Variants in FCGRT observed in about 807,000 individuals in gnomAD.
The protein encoded by FCGRT is Fc gamma receptor and transporter, also known as IgG receptor FcRn large subunit p51.
A neutral mutation model predicts 35.7 loss-of-function variants in FCGRT; 13 were observed. That is an observed-to-expected ratio of 0.36 (90% CI 0.24 to 0.58). The LOEUF (loss-of-function observed/expected upper bound fraction) is 0.58. Among genes scored for constraint, FCGRT ranks in the 20% least tolerant of loss-of-function variants. The probability of loss-of-function intolerance (pLI) is 0.77; values close to 1 mark genes in which losing one functional copy is unlikely to be tolerated. For synonymous variants in FCGRT, 233 were observed against 216.5 expected (o/e 1.08, Z -0.67); for missense variants, 455 against 474.9 (o/e 0.96, Z 0.39).
intron 6 of FCGRT, 42 bp from the exon 7 acceptor site, chr19:49,525,968 C>T: frequency 8.0e-7 from 1 of 1,257,724 alleles, no homozygotes; most frequent in Non-Finnish European, 1.2e-6. Flanking sequence ...CCCAGAGCGC[C>T]TCAGAGATTC....
intron 4 of FCGRT, among the ~76,000 whole-genome samples, chr19:49,522,884 T>G (rs2122692991): frequency 6.7e-6 from 1 of 149,828 alleles, no homozygotes; most frequent in East Asian, 2.0e-4. Flanking sequence ...TTCACGCCAT[T>G]CTCCTGCCTC....
Position 49,526,239 on chromosome 19 carries a change from C to T in FCGRT, c.*120C>T, listed in dbSNP as rs986747968. 1 of 681,212 alleles carries T rather than the reference C, an allele frequency of 1.5e-6. No individual in the cohort carries two copies. Among genetic ancestry groups the T allele is most frequent in the Non-Finnish European group, 2.6e-6 (1 of 384,000 alleles). The allele number at this position is 681,212 out of a possible 1,614,324, so 42.2% of individuals were successfully genotyped here. A position where few individuals can be genotyped will look rare whatever the true frequency, so the allele number is the denominator to read the frequency against. On this transcript the variant is annotated 3_prime_UTR_variant, in exon 7 of 7. Coordinates refer to ENST00000221466, the MANE Select transcript of FCGRT (RefSeq NM_001136019.3). Reference sequence around the variant, plus strand: ...GGGGTTCTGGGCCTAGTTGTCCTCCCTCTGGAGCCCCGTCCTGTGGTCTGC... The same window carrying T: ...GGGGTTCTGGGCCTAGTTGTCCTCCTTCTGGAGCCCCGTCCTGTGGTCTGC...
rs574109222 is a variant in FCGRT at position 49,525,195 on chromosome 19, C to T, written c.872-262C>T. The T allele has an allele frequency of 1.0e-3, 525 of 521,618 alleles. 9 individuals carry two copies. The highest frequency in any genetic ancestry group is 9.5e-3 in the South Asian group (510 of 53,532). 32.3% of individuals were successfully genotyped at this position (521,618 alleles called of 1,614,324 possible). A position where few individuals can be genotyped will look rare whatever the true frequency, so the allele number is the denominator to read the frequency against. The stretch of plus-strand genomic sequence containing the variant: ...TGACTTCCCACTGCTCTGCCTGCCT[C>T]TCCCCACTGCACTGGCACAGCCCCG... On this transcript the variant is annotated intron_variant, in intron 5 of 6. Coordinates refer to ENST00000221466, the MANE Select transcript of FCGRT (RefSeq NM_001136019.3).
chr19:49,518,771 G>A (rs1042551275), intron 4 of FCGRT, among the ~76,000 whole-genome samples: 1 of 152,012 alleles, frequency 6.6e-6, no homozygotes, highest in African/African-American at 2.4e-5. Context: ...CCGACCCCAG[G>A]TGATCCACCC....
At position 49,524,743 on chromosome 19, in the gene FCGRT, G is replaced by A. The variant is rs181621260; in HGVS notation, c.838G>A (p.Ala280Thr). The stretch of plus-strand genomic sequence containing the variant: ...CCACTACTGCTGCATTGTGCAGCAC[G>A]CGGGGCTGGCGCAGCCCCTCAGGGT... ...EHHYCCIVQH[A>T]GLAQPLRVEL... Residue 280 changes from alanine (A) to threonine (T), a missense_variant, in exon 5 of 7, where the codon GCG becomes ACG. By Grantham distance (58) the Ala-to-Thr change is moderately conservative (BLOSUM62 0). Transcript: ENST00000221466. 15 of 1,601,096 alleles carry A rather than the reference G, an allele frequency of 9.4e-6. No homozygotes were observed. The Admixed American group carries it at 2.0e-4, about 21-fold the overall frequency.
intron 4 of FCGRT, among the ~76,000 whole-genome samples, chr19:49,516,387 C>T (rs1466676238): frequency 1.3e-5 from 2 of 150,560 alleles, no homozygotes; most frequent in Non-Finnish European, 3.0e-5. Flanking sequence ...GGACTACAGG[C>T]GTGCACCACC....
chr19:49,513,785 C>G, intron 2 of FCGRT, 97 bp from the exon 3 acceptor site: 1 of 857,626 alleles, frequency 1.2e-6, no homozygotes, highest in Non-Finnish European at 1.6e-6. Flanking sequence ...CTGTCCCCCT[C>G]CCTCCATAAT....
intron 1 of FCGRT, 118 bp from the exon 2 acceptor site, chr19:49,513,269 C>T (rs1014052114): frequency 7.2e-6 from 3 of 415,384 alleles, no homozygotes; most frequent in African/African-American, 6.2e-5. Context: ...TGTTGTCAGT[C>T]TGGACCGAGC....
intron 2 of FCGRT, 127 bp downstream of exon 2, chr19:49,513,600 T>G (rs1601185941): frequency 5.8e-6 from 3 of 521,378 alleles, no homozygotes; most frequent in East Asian, 6.9e-5. Context: ...CTCCGCTCAA[T>G]TAACTTTCTC....
At position 49,525,543 on chromosome 19, in the gene FCGRT, T is replaced by C. The variant is rs2080069794; in HGVS notation, c.958T>C (p.Leu320=). Residue 320 remains leucine (L), a synonymous_variant, in exon 6 of 7, where the codon TTG becomes CTG. Coordinates refer to ENST00000221466, the MANE Select transcript of FCGRT (RefSeq NM_001136019.3). ...LTAAAVGGAL[L]WRRMRSGLPA... is the part of the protein sequence containing the mutation. ...GGCAGCGGCTGTAGGAGGAGCTCTG[T>C]TGTGGAGAAGGATGAGGAGTGGGCT... 1 of 1,612,390 alleles carries C rather than the reference T, an allele frequency of 6.2e-7. No individual in the cohort carries two copies. Among genetic ancestry groups the C allele is most frequent in the African/African-American group, 1.3e-5 (1 of 74,744 alleles).
At position 49,513,959 on chromosome 19, in the gene FCGRT, G is replaced by A. The variant is rs2079990336; in HGVS notation, c.151G>A (p.Gly51Ser). Residue 51 changes from glycine to serine, a missense_variant, in exon 3 of 7, where the codon GGC becomes AGC. By Grantham distance (56) the Gly-to-Ser change is moderately conservative (BLOSUM62 0). Transcript: ENST00000221466. The stretch of plus-strand genomic sequence containing the variant: ...GGGGACTCCTGCCTTCTGGGTGTCC[G>A]GCTGGCTGGGCCCGCAGCAGTACCT... Reference protein sequence around the residue: ...APGTPAFWVSGWLGPQQYLSY... With the variant: ...APGTPAFWVSSWLGPQQYLSY... 6.2e-7 allele frequency: 1 copy of A among 1,613,964 alleles called. No homozygotes were observed. The highest frequency in any genetic ancestry group is 1.1e-5 in the South Asian group (1 of 91,072).
At chr19:49,520,379 C>G (rs1003484300) in intron 4 of FCGRT, among the ~76,000 whole-genome samples, 2 of 146,366 alleles carry the variant, frequency 1.4e-5, no homozygotes, top group African/African-American at 5.1e-5. Context: ...GAGTTTCACT[C>G]TTATTGCGCA....
intron 4 of FCGRT, among the ~76,000 whole-genome samples, chr19:49,519,433 G>T (rs1212395526): frequency 6.6e-6 from 1 of 152,056 alleles, no homozygotes; most frequent in Non-Finnish European, 1.5e-5. Flanking sequence ...TGAGTTACTT[G>T]TGATCTTGAG....
intron 3 of FCGRT, 30 bp from the exon 4 acceptor site, chr19:49,514,181 G>T: frequency 6.2e-7 from 1 of 1,609,932 alleles, no homozygotes; most frequent in South Asian, 1.1e-5. Flanking sequence ...ATGCTCCGGG[G>T]CCCCGCTTAC....
chr19:49,526,034 A>G lies in FCGRT; in HGVS notation c.1013A>G (p.Asp338Gly), dbSNP rs2080074948. The change falls in exon 7 of 7, where the codon GAC becomes GGC. Residue 338 changes from aspartate to glycine, a missense_variant. Physicochemically the swap from Asp to Gly is moderately conservative, Grantham distance 94. This residue lies in a region of FCGRT where 312 missense variants were observed against 296.1 expected (regional missense o/e 1.05). Transcript: ENST00000221466. ...GCCCCTTGGATCTCCCTTCGTGGAG[A>G]CGACACCGGGGTCCTCCTGCCCACC... The part of the protein sequence containing the change: ...LPAPWISLRG[D>G]DTGVLLPTPG... 1 of 1,612,456 alleles carries G rather than the reference A, an allele frequency of 6.2e-7. No homozygotes were observed.
intron 5 of FCGRT, chr19:49,525,022 T>G: frequency 1.5e-6 from 1 of 657,666 alleles, no homozygotes; most frequent in South Asian, 1.5e-5. Context: ...CCATGGCCAG[T>G]CCTCCCTGAG....
intron 6 of FCGRT, among the ~76,000 whole-genome samples, 171 bp downstream of exon 6, chr19:49,525,744 CAG>C (rs1290134485): frequency 2.0e-5 from 3 of 149,858 alleles, no homozygotes; most frequent in African/African-American, 4.9e-5. Context: ...GGGACGGAGA[CAG>C]AGACCCAGAG....
chr19:49,519,586 A>G (rs1158093066), intron 4 of FCGRT, among the ~76,000 whole-genome samples: 1 of 152,136 alleles, frequency 6.6e-6, no homozygotes, highest in African/African-American at 2.4e-5. Flanking sequence ...TGCTGGAAAT[A>G]GTCCTCCTTC....
At chr19:49,525,970 C>CAT in intron 6 of FCGRT, 40 bp from the exon 7 acceptor site, 1 of 1,297,390 alleles carries the variant, frequency 7.7e-7, no homozygotes, top group Non-Finnish European at 1.1e-6. Flanking sequence ...CAGAGCGCCT[C>CAT]AGAGATTCTG....
Sources: gnomAD v4.1 joint callset for allele counts (sites outside exome capture counted in the v4.1 genomes callset) on GRCh38, gnomAD v4.1.1 for gene constraint, gnomAD v4.1.1 regional missense constraint, MANE v1.5 for transcripts, NCBI Gene and HGNC (gene_info 2026-07-23, HGNC 2026-07-21) for gene names.